DAPK1: variants seen among roughly 807,000 people sequenced by gnomAD.
DAPK1 encodes death associated protein kinase 1, also known as death-associated protein kinase 1.
DAPK1 carries 56 observed loss-of-function variants against 144.9 expected under a neutral mutation model. The ratio of observed to expected loss-of-function variants is 0.39; its 90% confidence interval spans 0.31 to 0.48. DAPK1 has a LOEUF of 0.48. DAPK1 is among the 20% of genes least tolerant of loss of function. DAPK1 has a pLI of 0.95. For synonymous variants in DAPK1, 690 were observed against 749.0 expected, an observed-to-expected ratio of 0.92 and a Z score of 1.29; for missense variants, 1,454 against 1,875.4, an observed-to-expected ratio of 0.78 and a Z score of 4.15.
intron 2 of DAPK1, among the ~76,000 whole-genome samples, chr9:87,509,454 G>A (rs1403898693): frequency 1.3e-5 from 2 of 152,072 alleles, no homozygotes; most frequent in South Asian, 2.1e-4. Context: ...CTCTGCCTCC[G>A]GGTTCAAGCG....
rs375235737 is a variant in DAPK1, at chr9:87,640,358, C to T, written c.690C>T (p.Ser230=). The stretch of plus-strand genomic sequence containing the variant: ...AGCAAGAAACGTTAGCAAATGTATC[C>T]GCTGTCAACTACGAATTTGAGGATG... The part of the protein sequence containing the change: ...DTKQETLANV[S]AVNYEFEDEY... Residue 230 remains serine, a synonymous_variant, in exon 8 of 26, where the codon TCC becomes TCT. Transcript: ENST00000408954. The T allele has an allele frequency of 3.6e-5, 58 of 1,614,168 alleles. 1 individual carries two copies. The highest frequency in any genetic ancestry group is 3.6e-4 in the East Asian group (16 of 44,894).
intron 2 of DAPK1, among the ~76,000 whole-genome samples, chr9:87,508,856 G>T (rs1587669131): frequency 1.3e-5 from 2 of 152,300 alleles, no homozygotes; most frequent in African/African-American, 4.8e-5. Flanking sequence ...AGAGAGGATA[G>T]GTACACCTAA....
chr9:87,674,968 T>G (rs562967695), intron 19 of DAPK1, among the ~76,000 whole-genome samples: 1 of 152,270 alleles, frequency 6.6e-6, no homozygotes, highest in South Asian at 2.1e-4. Context: ...GTGTCTACTG[T>G]AAGAGCTGTT....
intron 2 of DAPK1, among the ~76,000 whole-genome samples, chr9:87,576,415 A>G (rs1827562870): frequency 6.6e-6 from 1 of 152,164 alleles, no homozygotes; most frequent in African/African-American, 2.4e-5. Flanking sequence ...TTCTGGGGAT[A>G]GTTTTATCTT....
chr9:87,541,369 G>A (rs905900364), intron 2 of DAPK1, among the ~76,000 whole-genome samples: 2 of 152,082 alleles, frequency 1.3e-5, no homozygotes, highest in African/African-American at 4.8e-5. Flanking sequence ...CCAACATGAT[G>A]AAACCCTGTC....
chr9:87,581,736 G>A (rs894691012), intron 2 of DAPK1, among the ~76,000 whole-genome samples: 7 of 152,210 alleles, frequency 4.6e-5, no homozygotes, highest in Non-Finnish European at 8.8e-5. Flanking sequence ...AAACTTCCAG[G>A]ACTGGACTGA....
chr9:87,630,643 G>A (rs1340137498), intron 3 of DAPK1, among the ~76,000 whole-genome samples: 1 of 152,194 alleles, frequency 6.6e-6, no homozygotes, highest in African/African-American at 2.4e-5. Context: ...AGTAGTCCTG[G>A]ATTCGAGGAG....
At chr9:87,632,297 G>A (rs568360327) in intron 3 of DAPK1, 87 of 983,250 alleles carry the variant, frequency 8.8e-5, no homozygotes, top group African/African-American at 4.2e-4. Flanking sequence ...GAGTACACAT[G>A]TAGAAATGAA....
chr9:87,568,422 T>C (rs1382089196), intron 2 of DAPK1, among the ~76,000 whole-genome samples: 2 of 152,256 alleles, frequency 1.3e-5, no homozygotes, highest in Non-Finnish European at 2.9e-5. Flanking sequence ...CCTTGGTGAA[T>C]AGGCTTCTTT....
At chr9:87,634,784 C>T (rs375831573) in intron 3 of DAPK1, among the ~76,000 whole-genome samples, 14 of 152,166 alleles carry the variant, frequency 9.2e-5, no homozygotes, top group African/African-American at 3.4e-4. Flanking sequence ...CCCACGGTCC[C>T]TGACATCACG....
chr9:87,651,409 C>A, intron 16 of DAPK1, 118 bp from the exon 17 acceptor site: 1 of 967,934 alleles, frequency 1.0e-6, no homozygotes, highest in Non-Finnish European at 1.6e-6. Flanking sequence ...TCCACTAGGG[C>A]TTTTAGTAGT....
intron 3 of DAPK1, among the ~76,000 whole-genome samples, chr9:87,613,071 T>C (rs1828982815): frequency 6.6e-6 from 1 of 152,200 alleles, no homozygotes; most frequent in South Asian, 2.1e-4. Flanking sequence ...AGTAACCCCA[T>C]TTAGCTTTCT....
intron 3 of DAPK1, among the ~76,000 whole-genome samples, chr9:87,618,635 A>C (rs2119028738): frequency 6.6e-6 from 1 of 152,320 alleles, no homozygotes; most frequent in South Asian, 2.1e-4. Context: ...AAACATGCTA[A>C]GTGAAAGAGG....
intron 2 of DAPK1, among the ~76,000 whole-genome samples, chr9:87,540,601 G>C (rs1320715546): frequency 6.6e-6 from 1 of 152,120 alleles, no homozygotes; most frequent in Admixed American, 6.5e-5. Flanking sequence ...ATGGTTTGAC[G>C]CATCCACTAG....
Position 87,499,012 on chromosome 9 carries a change from C to T in DAPK1, c.-66C>T. The T allele has an allele frequency of 1.5e-6, 2 of 1,321,994 alleles. No homozygotes were observed. Among genetic ancestry groups the T allele is most frequent in the Admixed American group, 3.4e-5 (2 of 59,300 alleles). The allele number at this position is 1,321,994 out of a possible 1,614,324, so 81.9% of individuals were successfully genotyped here. On this transcript the variant is annotated 5_prime_UTR_variant, in exon 2 of 26. Coordinates refer to ENST00000408954, the MANE Select transcript of DAPK1 (RefSeq NM_004938.4). ...TGAGGGGGCTACGGAGGCGCAGGAG[C>T]GGTGGTGATGGTCTGGGAAGCGGAG...
In DAPK1 at chr9:87,700,222, A is replaced by G. The variant is rs774240642; in HGVS notation, c.2856A>G (p.Arg952=). 4 of 1,611,700 alleles carry G rather than the reference A, an allele frequency of 2.5e-6. No individual in the cohort carries two copies. In the East Asian group the frequency reaches 8.9e-5, roughly 36 times the overall value. The part of the protein sequence containing the change: ...KVLRNHLQEI[R]SQIVSVCPPM... ...TTCGAAATCATCTGCAAGAAATACG[A>G]AGCCAGATTGTTTCGGTAAGTACAC... The change falls in exon 24 of 26, where the codon CGA becomes CGG. Residue 952 remains arginine (R), a synonymous_variant. Coordinates refer to ENST00000408954, the MANE Select transcript of DAPK1 (RefSeq NM_004938.4).
At chr9:87,521,135 T>C (rs576244507) in intron 2 of DAPK1, among the ~76,000 whole-genome samples, 4 of 152,388 alleles carry the variant, frequency 2.6e-5, no homozygotes, top group African/African-American at 9.6e-5. Context: ...GCACTGCTGA[T>C]TGCAATAGTG....
chr9:87,608,846 C>T (rs538616635), intron 3 of DAPK1, among the ~76,000 whole-genome samples: 2 of 152,154 alleles, frequency 1.3e-5, no homozygotes, highest in Non-Finnish European at 2.9e-5. Context: ...ATTCTAGTGT[C>T]CCCTAGGAGC....
At position 87,649,961 on chromosome 9, in the gene DAPK1, A is replaced by G. The variant is rs1369639771; in HGVS notation, c.1469A>G (p.Tyr490Cys). 4.3e-6 allele frequency: 7 copies of G among 1,614,020 alleles called. No homozygotes were observed. Among genetic ancestry groups the G allele is most frequent in the African/African-American group, 2.7e-5 (2 of 74,926 alleles). ...CTGCACTGTGCTGCTTGGCACGGCTATTACTCTGTGGCCAAAGCCCTTTGT... is the reference window on the plus strand; with the variant it reads ...CTGCACTGTGCTGCTTGGCACGGCTGTTACTCTGTGGCCAAAGCCCTTTGT... ...TPLHCAAWHG[Y>C]YSVAKALCEA... The change falls in exon 16 of 26, where the codon TAT becomes TGT. Residue 490 changes from tyrosine to cysteine, a missense_variant. Around this residue, in one of 2 missense-constraint regions of DAPK1, gnomAD observed 429 missense variants for 637.5 expected, o/e 0.67. Coordinates refer to ENST00000408954, the MANE Select transcript of DAPK1 (RefSeq NM_004938.4).
Sources: allele counts gnomAD v4.1 joint callset (sites outside exome capture counted in the v4.1 genomes callset), GRCh38; gene constraint gnomAD v4.1.1; regional missense constraint gnomAD v4.1.1; transcripts MANE v1.5; gene names NCBI Gene and HGNC (gene_info 2026-07-23, HGNC 2026-07-21).